The following EIF2AK3 variants were observed in gnomAD, a reference collection of about 807,000 sequenced individuals.
The protein encoded by EIF2AK3 is eukaryotic translation initiation factor 2-alpha kinase 3.
In EIF2AK3, 50 loss-of-function variants were observed where a neutral mutation model predicts 113.5. That is an observed-to-expected ratio of 0.44 (90% CI 0.35 to 0.56). The LOEUF (loss-of-function observed/expected upper bound fraction) is 0.56. Among genes scored for constraint, EIF2AK3 ranks in the 20% least tolerant of loss-of-function variants. The pLI is 0.00. For synonymous variants in EIF2AK3, 448 were observed against 495.4 expected (o/e 0.90, Z 1.27); for missense variants, 1,185 against 1,378.0 (o/e 0.86, Z 2.22).
At chr2:88,621,566 C>CA (rs1302315408) in intron 1 of EIF2AK3, among the ~76,000 whole-genome samples, 1 of 152,150 alleles carries the variant, frequency 6.6e-6, no homozygotes, top group African/African-American at 2.4e-5. Flanking sequence ...ATCCTTTGCC[C>CA]AAACTTGTGC....
chr2:88,563,828 AAAGT>A (rs753845739), intron 14 of EIF2AK3, among the ~76,000 whole-genome samples: 1 of 152,232 alleles, frequency 6.6e-6, no homozygotes, highest in Non-Finnish European at 1.5e-5. Context: ...TTTATTTTCT[AAAGT>A]AAGGTGTATA....
chr2:88,567,686 C>T (rs1674174710), intron 14 of EIF2AK3, among the ~76,000 whole-genome samples: 2 of 152,140 alleles, frequency 1.3e-5, no homozygotes, highest in Admixed American at 1.3e-4. Flanking sequence ...CTCAAATTAA[C>T]TTTTAATAGG....
At chr2:88,575,885 A>T (rs1280013042) in intron 12 of EIF2AK3, among the ~76,000 whole-genome samples, 1 of 152,192 alleles carries the variant, frequency 6.6e-6, no homozygotes, top group African/African-American at 2.4e-5. Context: ...ACGTGGATCT[A>T]ATGTTGCTTA....
At chr2:88,576,464 A>G (rs189139395) in intron 12 of EIF2AK3, 90 bp downstream of exon 12, 1 of 564,296 alleles carries the variant, frequency 1.8e-6, no homozygotes, top group Non-Finnish European at 2.5e-6. Flanking sequence ...CCTTTTCTTT[A>G]AAAAAAAAAA....
Position 88,571,049 on chromosome 2 carries a change from G to C in EIF2AK3, c.2818-8C>G. 1 of 1,614,060 alleles carries C rather than the reference G, an allele frequency of 6.2e-7. No homozygotes were observed. The highest frequency in any genetic ancestry group is 8.5e-7 in the Non-Finnish European group (1 of 1,179,966). ...AAAGAATATGTTGGATGGCTGGAAAGAATACAACAGACAAAAGTACAGTGG... is the reference window on the plus strand; with the variant it reads ...AAAGAATATGTTGGATGGCTGGAAACAATACAACAGACAAAAGTACAGTGG... On this transcript the variant is annotated splice_region_variant and splice_polypyrimidine_tract_variant and intron_variant, in intron 13 of 16. Transcript: ENST00000303236.
rs1674786836 is a variant in EIF2AK3, at chr2:88,588,114, AATT to A, written c.1307-13_1307-11del. 1 of 1,451,402 alleles carries A rather than the reference AATT, an allele frequency of 6.9e-7. No homozygotes were observed. The highest frequency in any genetic ancestry group is 9.5e-7 in the Non-Finnish European group (1 of 1,047,872). 89.9% of individuals were successfully genotyped at this position (1,451,402 alleles called of 1,614,324 possible). On this transcript the variant is annotated splice_polypyrimidine_tract_variant and intron_variant, in intron 7 of 16. Transcript: ENST00000303236. ...GTTCTGGAAGGAGAATCTAAAAGAA[AATT>A]ATTATTTTCTTAATAATAATATTTC...
At chr2:88,622,634 G>A (rs1675755430) in intron 1 of EIF2AK3, among the ~76,000 whole-genome samples, 1 of 152,202 alleles carries the variant, frequency 6.6e-6, no homozygotes, top group South Asian at 2.1e-4. Context: ...CTTATTACTT[G>A]CTTTGAAAGT....
At chr2:88,570,472 TG>T (rs1674275597) in intron 14 of EIF2AK3, among the ~76,000 whole-genome samples, 1 of 152,184 alleles carries the variant, frequency 6.6e-6, no homozygotes, top group Non-Finnish European at 1.5e-5. Flanking sequence ...TGGTACATGC[TG>T]GAAGTTGCCT....
intron 1 of EIF2AK3, among the ~76,000 whole-genome samples, chr2:88,617,742 C>T (rs932852334): frequency 2.9e-5 from 4 of 136,278 alleles, no homozygotes; most frequent in East Asian, 2.1e-4. Context: ...GGCAACACAG[C>T]GAGACTCCAT....
intron 8 of EIF2AK3, 80 bp downstream of exon 8, chr2:88,587,902 C>G (rs1674778903): frequency 4.0e-6 from 4 of 995,900 alleles, no homozygotes; most frequent in African/African-American, 1.7e-5. Flanking sequence ...TGTCTATACT[C>G]TAATCGACTT....
At position 88,590,495 on chromosome 2, in the gene EIF2AK3, T is replaced by C. The variant is rs1285138035; in HGVS notation, c.1113A>G (p.Glu371=). The change falls in exon 6 of 17, where the codon GAA becomes GAG. Residue 371 remains glutamate, a synonymous_variant. Transcript: ENST00000303236. The part of the protein sequence containing the change: ...YTSNDDVLED[E]EDIVEAARGA... ...CTCTGGCAGCTTCTACAATGTCTTC[T>C]TCATCTTCTAAAACATCATCATTAG... is the stretch of plus-strand genomic sequence containing the variant. The C allele has an allele frequency of 6.2e-7, 1 of 1,613,974 alleles. No homozygotes were observed. The highest frequency in any genetic ancestry group is 2.2e-5 in the East Asian group (1 of 44,850).
intron 2 of EIF2AK3, among the ~76,000 whole-genome samples, chr2:88,606,619 T>C (rs543764357): frequency 6.6e-6 from 1 of 152,310 alleles, no homozygotes; most frequent in South Asian, 2.1e-4. Flanking sequence ...TTGGACAGCT[T>C]TCAGTAAAAG....
At position 88,588,238 on chromosome 2, in the gene EIF2AK3, C is replaced by A. The variant is rs895029259; in HGVS notation, c.1307-134G>T. 3 of 578,712 alleles carry A rather than the reference C, an allele frequency of 5.2e-6. No homozygotes were observed. In the East Asian group the frequency reaches 1.1e-4, roughly 21 times the overall value. The allele number at this position is 578,712 out of a possible 1,614,324, so 35.8% of individuals were successfully genotyped here. ...ATTCAATTCAAACATATAAGTTAAA[C>A]AAATGGCCCAGAGCTCTTGCCTTTG... On this transcript the variant is annotated intron_variant, in intron 7 of 16. Transcript: ENST00000303236.
At chr2:88,590,124 A>G (rs1674845388) in intron 6 of EIF2AK3, among the ~76,000 whole-genome samples, 1 of 152,146 alleles carries the variant, frequency 6.6e-6, no homozygotes, top group Non-Finnish European at 1.5e-5. Flanking sequence ...AATCCCAGCT[A>G]CTTAGGAGGC....
At chr2:88,565,058 C>T (rs111255283) in intron 14 of EIF2AK3, among the ~76,000 whole-genome samples, 2,432 of 139,688 alleles carry the variant, frequency 0.017, 67 homozygotes, top group African/African-American at 0.06. Context: ...TTTTTTGAGA[C>T]GGAGTTTCAC....
chr2:88,571,826 C>A (rs1431563967), intron 13 of EIF2AK3, among the ~76,000 whole-genome samples: 2 of 152,168 alleles, frequency 1.3e-5, no homozygotes. Flanking sequence ...AAGACTATAT[C>A]TACTCCCAGA....
At chr2:88,564,552 G>GAC (rs528714550) in intron 14 of EIF2AK3, among the ~76,000 whole-genome samples, 2,478 of 149,212 alleles carry the variant, frequency 0.017, 50 homozygotes, top group African/African-American at 0.048. Context: ...CCATTTCCAA[G>GAC]ACACACACAC....
At chr2:88,608,064 G>T (rs1573417647) in intron 2 of EIF2AK3, among the ~76,000 whole-genome samples, 1 of 152,278 alleles carries the variant, frequency 6.6e-6, no homozygotes, top group East Asian at 1.9e-4. Flanking sequence ...AAAAGTTCCT[G>T]TGTGGCTTTA....
At chr2:88,585,748 A>C in intron 9 of EIF2AK3, 93 bp downstream of exon 9, 1 of 1,215,082 alleles carries the variant, frequency 8.2e-7, no homozygotes. Context: ...GCTTTGGTGG[A>C]GCAGTAGGGA....
Sources: allele counts gnomAD v4.1 joint callset (sites outside exome capture counted in the v4.1 genomes callset), GRCh38; gene constraint gnomAD v4.1.1; transcripts MANE v1.5; gene names NCBI Gene and HGNC (gene_info 2026-07-23, HGNC 2026-07-21).